The following PLA2R1 variants were observed in gnomAD, a reference collection of about 807,000 sequenced individuals.
The protein encoded by PLA2R1 is phospholipase A2 receptor 1, also known as secretory phospholipase A2 receptor.
In PLA2R1, 158 loss-of-function variants were observed where a neutral mutation model predicts 195.9. That is an observed-to-expected ratio of 0.81 (90% CI 0.71 to 0.92). The LOEUF is 0.92. PLA2R1 is among the 40% of genes least tolerant of loss of function. PLA2R1 has a pLI of 0.00. For missense variants in PLA2R1, 1,626 were observed against 1,764.6 expected (o/e 0.92, Z 1.41); for synonymous variants, 586 against 598.2 (o/e 0.98, Z 0.30).
In PLA2R1 at chr2:159,932,005, GTTA is replaced by G. The variant is rs1464810643; in HGVS notation, c.*9770_*9772del. 2 of 152,126 alleles carry G rather than the reference GTTA, an allele frequency of 1.3e-5. No homozygotes were observed. The highest frequency in any genetic ancestry group is 2.9e-5 in the Non-Finnish European group (2 of 68,012). The allele number at this position is 152,126 out of a possible 1,614,324, so 9.4% of individuals were successfully genotyped here. ...GATTCAAATGCAGTAACAAATATAG[GTTA>G]TTATTTAAGTGTAACGTTAACTTTA... On this transcript the variant is annotated 3_prime_UTR_variant, in exon 30 of 30. Coordinates refer to ENST00000283243, the MANE Select transcript of PLA2R1 (RefSeq NM_007366.5).
intron 3 of PLA2R1, among the ~76,000 whole-genome samples, chr2:160,039,419 T>C (rs1573953088): frequency 6.6e-6 from 1 of 152,304 alleles, no homozygotes; most frequent in Middle Eastern, 3.4e-3. Context: ...TCACCGCTAG[T>C]ATATTTGTAT....
intron 16 of PLA2R1, among the ~76,000 whole-genome samples, chr2:159,976,447 C>T (rs1006200709): frequency 1.3e-5 from 2 of 151,870 alleles, no homozygotes; most frequent in East Asian, 3.9e-4. Context: ...ATTAAAAGGT[C>T]GGGGATAGGT....
At chr2:159,924,663 A>G in the PLA2R1 span, among the ~76,000 whole-genome samples, 1 of 144,214 alleles carries the variant, frequency 6.9e-6, no homozygotes, top group Non-Finnish European at 1.5e-5. Flanking sequence ...CCAAATGCCA[A>G]GCCATGCAAG....
chr2:159,947,623 T>C (rs1415683373), intron 25 of PLA2R1, 64 bp from the exon 26 acceptor site: 9 of 1,363,120 alleles, frequency 6.6e-6, no homozygotes, highest in Middle Eastern at 3.6e-4. Context: ...AGATAAATAT[T>C]ACATTACATT....
Position 159,932,635 on chromosome 2 carries a change from C to T in PLA2R1, c.*9143G>A, listed in dbSNP as rs1468494087. 1 of 152,154 alleles carries T rather than the reference C, an allele frequency of 6.6e-6. No individual in the cohort carries two copies. The highest frequency in any genetic ancestry group is 1.5e-5 in the Non-Finnish European group (1 of 68,026). 9.4% of individuals were successfully genotyped at this position (152,154 alleles called of 1,614,324 possible). A position where few individuals can be genotyped will look rare whatever the true frequency, so the allele number is the denominator to read the frequency against. ...AAATCTGTGAGTCGGGTTTCCAGCT[C>T]CTACCAAGCTCTGTATACTAAGAAG... On this transcript the variant is annotated 3_prime_UTR_variant, in exon 30 of 30. Coordinates refer to ENST00000283243, the MANE Select transcript of PLA2R1 (RefSeq NM_007366.5).
At chr2:160,010,955 C>T (rs1573888274) in intron 10 of PLA2R1, among the ~76,000 whole-genome samples, 1 of 152,122 alleles carries the variant, frequency 6.6e-6, no homozygotes, top group African/African-American at 2.4e-5. Context: ...GGCGGGTGAC[C>T]AGGCAGCACA....
At chr2:159,924,728 C>CT in the PLA2R1 span, among the ~76,000 whole-genome samples, 1 of 31,156 alleles carries the variant, frequency 3.2e-5, no homozygotes, top group African/African-American at 7.0e-5. Context: ...ACTCTGGGGG[C>CT]TGGGGGGGGG....
At chr2:159,927,691 G>A (rs538673209), downstream of PLA2R1, among the ~76,000 whole-genome samples, 6 of 152,152 alleles carry the variant, frequency 3.9e-5, no homozygotes, top group South Asian at 1.0e-3. Context: ...TGAGTCAGGT[G>A]AGAAGCCTCT....
At chr2:159,988,688 C>T (rs1333595604) in intron 11 of PLA2R1, among the ~76,000 whole-genome samples, 1 of 152,156 alleles carries the variant, frequency 6.6e-6, no homozygotes. Context: ...TAAAAAATGT[C>T]GTCACTTGCT....
chr2:160,058,635 C>T (rs1310230703), intron 1 of PLA2R1, among the ~76,000 whole-genome samples: 1 of 152,168 alleles, frequency 6.6e-6, no homozygotes, highest in Non-Finnish European at 1.5e-5. Context: ...TCTTCTTTCT[C>T]CCCGCTGTCC....
intron 6 of PLA2R1, among the ~76,000 whole-genome samples, chr2:160,025,432 C>G (rs984058187): frequency 6.6e-6 from 1 of 151,446 alleles, no homozygotes; most frequent in African/African-American, 2.4e-5. Flanking sequence ...AAGAAATGCA[C>G]GATATTAAAA....
chr2:159,992,308 C>T (rs573341711), intron 11 of PLA2R1, among the ~76,000 whole-genome samples: 19 of 149,052 alleles, frequency 1.3e-4, no homozygotes, highest in African/African-American at 4.2e-4. Flanking sequence ...TAAGCAACTT[C>T]AGCAAAGTCT....
intron 15 of PLA2R1, 99 bp downstream of exon 15, chr2:159,977,185 G>A: frequency 2.3e-6 from 2 of 865,214 alleles, no homozygotes; most frequent in South Asian, 1.9e-5. Context: ...ATTTTATCAT[G>A]CAATTTGTTG....
rs939695354 is a variant in PLA2R1, at chr2:159,933,459, A to C, written c.*8319T>G. ...TCTAACATTTCCTACAATTTAATAC[A>C]TATCACTTATCTTGTTAAGCCTTTC... is the stretch of plus-strand genomic sequence containing the variant. On this transcript the variant is annotated 3_prime_UTR_variant, in exon 30 of 30. Transcript: ENST00000283243. The C allele has an allele frequency of 2.6e-5, 4 of 152,238 alleles. No homozygotes were observed. The highest frequency in any genetic ancestry group is 9.6e-5 in the African/African-American group (4 of 41,452). 9.4% of individuals were successfully genotyped at this position (152,238 alleles called of 1,614,324 possible).
In PLA2R1 at chr2:159,967,613, GCCAAACCTTTTTT is replaced by G; in HGVS notation, c.2817_2829del (p.Lys940SerfsTer2). Reference sequence around the variant, plus strand: ...GGTGTATCTTTCTTTTTCTCTATGAGCCAAACCTTTTTTCGCTTACAGATACTAGGCATAGAAA... The same window carrying G: ...GGTGTATCTTTCTTTTTCTCTATGAGCGCTTACAGATACTAGGCATAGAAA... On this transcript the variant is annotated frameshift_variant, in exon 20 of 30. Coordinates refer to ENST00000283243, the MANE Select transcript of PLA2R1 (RefSeq NM_007366.5). LOFTEE classifies it high-confidence loss of function. 6.2e-7 allele frequency: 1 copy of G among 1,613,374 alleles called. No individual in the cohort carries two copies. The highest frequency in any genetic ancestry group is 8.5e-7 in the Non-Finnish European group (1 of 1,179,472).
chr2:159,957,616 G>A (rs1184214923), intron 20 of PLA2R1, among the ~76,000 whole-genome samples: 3 of 152,186 alleles, frequency 2.0e-5, no homozygotes, highest in Non-Finnish European at 4.4e-5. Context: ...GCCTCCCAAA[G>A]AGTTGGGATT....
chr2:160,010,767 C>G (rs1361359549), intron 10 of PLA2R1, among the ~76,000 whole-genome samples: 2 of 152,224 alleles, frequency 1.3e-5, no homozygotes, highest in Non-Finnish European at 2.9e-5. Context: ...CTTGTTTCTT[C>G]CCTGATGGAC....
chr2:159,968,742 A>C (rs1002190315), intron 19 of PLA2R1, among the ~76,000 whole-genome samples: 3 of 152,202 alleles, frequency 2.0e-5, no homozygotes, highest in Non-Finnish European at 4.4e-5. Flanking sequence ...CTTCAACCTA[A>C]ATGTGCTTCT....
chr2:160,050,436 C>T (rs1393484569), intron 1 of PLA2R1, among the ~76,000 whole-genome samples: 2 of 152,172 alleles, frequency 1.3e-5, no homozygotes, highest in Non-Finnish European at 2.9e-5. Flanking sequence ...CTGAACCACT[C>T]TTTCACTTTT....
Sources: gnomAD v4.1 joint callset for allele counts (sites outside exome capture counted in the v4.1 genomes callset) on GRCh38, gnomAD v4.1.1 for gene constraint, MANE v1.5 for transcripts, NCBI Gene and HGNC (gene_info 2026-07-23, HGNC 2026-07-21) for gene names.